LRP1B: variants seen among roughly 807,000 people sequenced by gnomAD.
LRP1B encodes the protein LDL receptor related protein 1B.
Under a neutral mutation model 556.6 loss-of-function variants are expected in LRP1B, and 217 were observed. That is an observed-to-expected ratio of 0.39 (90% CI 0.35 to 0.44). The LOEUF is 0.44. Ranked by LOEUF, LRP1B falls within the 20% of genes least tolerant of loss-of-function variation. LRP1B has a pLI of 1.00. For synonymous variants in LRP1B, 2,047 were observed against 1,865.8 expected (o/e 1.10, Z -2.50); for missense variants, 5,053 against 5,620.8 (o/e 0.90, Z 3.23).
rs568436008 is a variant in LRP1B, at chr2:140,949,405, G to A, written c.3136+830C>T. 1.3e-4 allele frequency among the ~76,000 whole-genome samples: 20 copies of A among 152,086 alleles called. No individual in the cohort carries two copies. The South Asian group carries it at 3.7e-3, about 28-fold the overall frequency. ...TCATATTTTGCAAAGTAAGCCAGGCGAATGACAGGGTTATCATCCCCATGG... is the reference window on the plus strand; with the variant it reads ...TCATATTTTGCAAAGTAAGCCAGGCAAATGACAGGGTTATCATCCCCATGG... On this transcript the variant is annotated intron_variant, in intron 20 of 90. Transcript: ENST00000389484.
intron 35 of LRP1B, among the ~76,000 whole-genome samples, chr2:140,757,080 A>G: frequency 6.6e-6 from 1 of 152,258 alleles, no homozygotes; most frequent in East Asian, 1.9e-4. Context: ...ATCTTTAGGC[A>G]TCAGGGAAAC....
intron 7 of LRP1B, among the ~76,000 whole-genome samples, chr2:141,141,185 T>C (rs545954413): frequency 2.8e-4 from 42 of 152,212 alleles, no homozygotes; most frequent in Non-Finnish European, 5.3e-4. Context: ...TCAGTTTATA[T>C]AGTAAACTTT....
At position 141,020,017 on chromosome 2, in the gene LRP1B, A is replaced by G. The variant is rs1279749597; in HGVS notation, c.1875T>C (p.Asn625=). 5.6e-6 allele frequency: 9 copies of G among 1,611,924 alleles called. No individual in the cohort carries two copies. Among genetic ancestry groups the G allele is most frequent in the Non-Finnish European group, 6.8e-6 (8 of 1,178,652 alleles). Residue 625 remains asparagine, a synonymous_variant, in exon 12 of 91, where the codon AAT becomes AAC. Transcript: ENST00000389484. ...GAGAAGCTTTTTCCAGCCTGGCCACATTAATGGTTTTCCTATGGCCATCAT... is the reference window on the plus strand; with the variant it reads ...GAGAAGCTTTTTCCAGCCTGGCCACGTTAATGGTTTTCCTATGGCCATCAT... ...WTNDGHRKTI[N]VARLEKASQS...
At chr2:141,412,140 T>C (rs1690875280) in intron 3 of LRP1B, among the ~76,000 whole-genome samples, 1 of 150,200 alleles carries the variant, frequency 6.7e-6, no homozygotes, top group Non-Finnish European at 1.5e-5. Context: ...ACTGTAAAAC[T>C]ATCAGCTTTG....
intron 41 of LRP1B, among the ~76,000 whole-genome samples, chr2:140,640,434 C>T (rs1267207275): frequency 1.0e-5 from 1 of 95,438 alleles, no homozygotes; most frequent in Non-Finnish European, 1.9e-5. Flanking sequence ...CTCGCTCTGT[C>T]GCCCAGGCTG....
intron 1 of LRP1B, among the ~76,000 whole-genome samples, chr2:141,942,550 T>C (rs1700842703): frequency 6.6e-6 from 1 of 152,114 alleles, no homozygotes; most frequent in Non-Finnish European, 1.5e-5. Flanking sequence ...AACCATACCC[T>C]GGTGCCTGTA....
At chr2:141,645,316 C>T (rs1021977383) in intron 2 of LRP1B, among the ~76,000 whole-genome samples, 6 of 152,038 alleles carry the variant, frequency 3.9e-5, no homozygotes, top group African/African-American at 9.7e-5. Flanking sequence ...TTTGATTGGA[C>T]TCCACACCAT....
chr2:141,244,709 G>C (rs1684006181), intron 5 of LRP1B, among the ~76,000 whole-genome samples: 1 of 151,988 alleles, frequency 6.6e-6, no homozygotes, highest in African/African-American at 2.4e-5. Context: ...AAGCTAAACA[G>C]GCAGTTTTTC....
intron 1 of LRP1B, among the ~76,000 whole-genome samples, chr2:141,896,147 T>C (rs1699447115): frequency 6.6e-6 from 1 of 152,180 alleles, no homozygotes; most frequent in African/African-American, 2.4e-5. Context: ...TATCTTACCA[T>C]TTAAATGTCA....
At chr2:141,452,172 C>T (rs1440335994) in intron 3 of LRP1B, among the ~76,000 whole-genome samples, 1 of 151,882 alleles carries the variant, frequency 6.6e-6, no homozygotes, top group Non-Finnish European at 1.5e-5. Context: ...ACAATTTGAA[C>T]TAAGGAGGCT....
rs573608594 is a variant in LRP1B, at chr2:140,825,779, A to G, written c.5210-11973T>C. Among the ~76,000 whole-genome samples, 7 of 152,330 alleles carry G rather than the reference A, an allele frequency of 4.6e-5. No homozygotes were observed. The South Asian group carries it at 1.4e-3, about 32-fold the overall frequency. ...TGGAAATCAACATTTGAACCAACAT[A>G]AACACAACTACTACACTTGCAAGGA... On this transcript the variant is annotated intron_variant, in intron 31 of 90. Transcript: ENST00000389484.
At chr2:141,334,851 C>A (rs894747020) in intron 3 of LRP1B, among the ~76,000 whole-genome samples, 27 of 152,210 alleles carry the variant, frequency 1.8e-4, no homozygotes, top group African/African-American at 6.5e-4. Context: ...CATGCCCGGC[C>A]CAGTACATAA....
chr2:140,751,028 T>G (rs1219673760), intron 35 of LRP1B, among the ~76,000 whole-genome samples: 1 of 149,470 alleles, frequency 6.7e-6, no homozygotes, highest in Non-Finnish European at 1.5e-5. Flanking sequence ...GTCTTGCCAT[T>G]GTCCCTCAGG....
At chr2:140,624,725 G>A (rs1683592983) in intron 41 of LRP1B, among the ~76,000 whole-genome samples, 1 of 152,014 alleles carries the variant, frequency 6.6e-6, no homozygotes, top group Non-Finnish European at 1.5e-5. Context: ...ATTTCCATCA[G>A]GTCCATTGAG....
At chr2:141,145,922 CTTTTTTTT>C (rs70991144) in intron 7 of LRP1B, among the ~76,000 whole-genome samples, 2 of 67,206 alleles carry the variant, frequency 3.0e-5, no homozygotes, top group Non-Finnish European at 5.4e-5. Flanking sequence ...TTCTTTCTTT[CTTTTTTTT>C]TTTTTTTTTT....
intron 2 of LRP1B, among the ~76,000 whole-genome samples, chr2:141,516,118 G>T (rs990283900): frequency 6.6e-6 from 1 of 152,016 alleles, no homozygotes; most frequent in African/African-American, 2.4e-5. Flanking sequence ...CTAAAATCTA[G>T]GCCAAACCAC....
chr2:141,656,618 C>A (rs1690019138), intron 2 of LRP1B, among the ~76,000 whole-genome samples: 1 of 152,088 alleles, frequency 6.6e-6, no homozygotes, highest in African/African-American at 2.4e-5. Context: ...GTGTGCAAAG[C>A]AGTACAATTG....
intron 84 of LRP1B, among the ~76,000 whole-genome samples, chr2:140,295,439 C>T (rs1683561041): frequency 6.6e-6 from 1 of 152,158 alleles, no homozygotes; most frequent in Non-Finnish European, 1.5e-5. Context: ...AGGCAAGATA[C>T]TAAGTGTTAT....
chr2:141,209,356 CAT>C (rs1194958131), intron 6 of LRP1B, among the ~76,000 whole-genome samples: 1 of 152,078 alleles, frequency 6.6e-6, no homozygotes, highest in Non-Finnish European at 1.5e-5. Context: ...TTGCTGCTAA[CAT>C]GTGAAGAAAG....
Sources: gnomAD v4.1 joint callset for allele counts (sites outside exome capture counted in the v4.1 genomes callset) on GRCh38, gnomAD v4.1.1 for gene constraint, MANE v1.5 for transcripts, NCBI Gene and HGNC (gene_info 2026-07-23, HGNC 2026-07-21) for gene names.